ARHGEF6: variants seen among roughly 807,000 people sequenced by gnomAD.
The protein encoded by ARHGEF6 is rho guanine nucleotide exchange factor 6.
ARHGEF6 carries 9 observed loss-of-function variants against 70.3 expected under a neutral mutation model. The ratio of observed to expected loss-of-function variants is 0.13; its 90% CI spans 0.08 to 0.22. ARHGEF6 has a LOEUF of 0.22. Ranked by LOEUF, ARHGEF6 falls within the 10% of genes least tolerant of loss-of-function variation. ARHGEF6 has a pLI of 1.00. For synonymous variants in ARHGEF6, 201 were observed against 207.8 expected, an observed-to-expected ratio of 0.97 and a Z score of 0.28; for missense variants, 470 against 563.0, an observed-to-expected ratio of 0.83 and a Z score of 1.67.
intron 5 of ARHGEF6, among the ~76,000 whole-genome samples, chrX:136,734,114 T>C (rs940202279): frequency 1.8e-5 from 2 of 112,037 alleles, no homozygotes; most frequent in African/African-American, 6.5e-5. Flanking sequence ...CGACAGTGAG[T>C]TATCCAGTGG....
intron 2 of ARHGEF6, among the ~76,000 whole-genome samples, chrX:136,772,267 A>T (rs2077368669): frequency 8.9e-6 from 1 of 112,283 alleles, no homozygotes; most frequent in Admixed American, 9.4e-5. Context: ...GCTGAGAAGT[A>T]TATTGGGGAA....
chrX:136,741,598 T>C (rs188429413), intron 5 of ARHGEF6, among the ~76,000 whole-genome samples: 4 of 109,020 alleles, frequency 3.7e-5, no homozygotes, highest in Admixed American at 9.9e-5. Flanking sequence ...AGGGCAGTGA[T>C]GAAAATAAAG....
chrX:136,671,923 T>C (rs2076228867), intron 20 of ARHGEF6, 97 bp downstream of exon 20: 3 of 695,502 alleles, frequency 4.3e-6, no homozygotes, highest in Non-Finnish European at 7.0e-6. Flanking sequence ...AAGGAGGAGT[T>C]GTCCCTCATC....
intron 8 of ARHGEF6, 98 bp downstream of exon 8, chrX:136,708,577 A>G: frequency 2.9e-6 from 2 of 696,975 alleles, no homozygotes; most frequent in Non-Finnish European, 4.5e-6. Context: ...ACAAATACTT[A>G]ACTATGAAGT....
intron 6 of ARHGEF6, among the ~76,000 whole-genome samples, chrX:136,718,160 A>G (rs1000488173): frequency 8.1e-5 from 9 of 111,703 alleles, no homozygotes; most frequent in African/African-American, 2.9e-4. Context: ...TTAAAAGTAA[A>G]GGGATGAAAA....
At chrX:136,714,314 G>A (rs1419170731) in intron 6 of ARHGEF6, among the ~76,000 whole-genome samples, 1 of 111,329 alleles carries the variant, frequency 9.0e-6, no homozygotes, top group Non-Finnish European at 1.9e-5. Flanking sequence ...GGGTTGATGG[G>A]TGCAGTGGGC....
chrX:136,780,399 T>C (rs1219808274), intron 1 of ARHGEF6, among the ~76,000 whole-genome samples: 5 of 111,364 alleles, frequency 4.5e-5, no homozygotes, highest in Non-Finnish European at 7.5e-5. Flanking sequence ...GTTCAAAACA[T>C]GTCCTCGGTA....
At chrX:136,675,359 C>T (rs764091491) in intron 18 of ARHGEF6, among the ~76,000 whole-genome samples, 1 of 108,561 alleles carries the variant, frequency 9.2e-6, no homozygotes, top group Non-Finnish European at 1.9e-5. Context: ...GTGGGGGGGG[C>T]GGTGTTTTGT....
intron 6 of ARHGEF6, among the ~76,000 whole-genome samples, chrX:136,729,467 C>CAAAAA (rs749398050): frequency 0.046 from 545 of 11,803 alleles, no homozygotes; most frequent in Middle Eastern, 0.077. Flanking sequence ...GACTCCATCT[C>CAAAAA]AAAAAAAAAA....
intron 20 of ARHGEF6, 65 bp from the exon 21 acceptor site, chrX:136,669,601 C>G: frequency 1.1e-6 from 1 of 884,794 alleles, no homozygotes; most frequent in Non-Finnish European, 1.7e-6. Context: ...AAATACTTAA[C>G]AATAAAAGCC....
At chrX:136,768,843 G>A (rs1359823380) in intron 2 of ARHGEF6, among the ~76,000 whole-genome samples, 3 of 110,732 alleles carry the variant, frequency 2.7e-5, no homozygotes, top group Non-Finnish European at 5.7e-5. Flanking sequence ...TCACTTTGGG[G>A]AGGGCACCCC....
chrX:136,748,591 C>T lies in ARHGEF6; in HGVS notation c.250-999G>A, dbSNP rs772563718. ...ATGCATATCTGAAGGTAACCAGATG[C>T]CCACCTTCTGGATGGAAATGCCCCT... On this transcript the variant is annotated intron_variant, in intron 2 of 21. Coordinates refer to ENST00000250617, the MANE Select transcript of ARHGEF6 (RefSeq NM_004840.3). 3.6e-5 allele frequency among the ~76,000 whole-genome samples: 4 copies of T among 112,188 alleles called. No homozygotes were observed. The South Asian group carries it at 1.5e-3, about 42-fold the overall frequency.
intron 12 of ARHGEF6, 108 bp downstream of exon 12, chrX:136,685,569 T>A: frequency 2.1e-6 from 2 of 940,294 alleles, no homozygotes; most frequent in Non-Finnish European, 1.5e-6. Context: ...ATGGCACCAC[T>A]GCACTCCAGC....
At chrX:136,669,136 G>A (rs753105984) in intron 21 of ARHGEF6, among the ~76,000 whole-genome samples, 2 of 111,729 alleles carry the variant, frequency 1.8e-5, no homozygotes, top group East Asian at 2.8e-4. Context: ...AGGCCACATC[G>A]GCAGAAAAGC....
chrX:136,685,604 C>CAA lies in ARHGEF6; in HGVS notation c.1392+71_1392+72dup, dbSNP rs377510796. The CAA allele has an allele frequency of 3.5e-3, 3,274 of 925,802 alleles. 7 individuals carry two copies. Among genetic ancestry groups the CAA allele is most frequent in the African/African-American group, 0.026 (879 of 33,990 alleles). 76.3% of individuals were successfully genotyped at this position (925,802 alleles called of 1,213,427 possible). A position where few individuals can be genotyped will look rare whatever the true frequency, so the allele number is the denominator to read the frequency against. On this transcript the variant is annotated intron_variant, in intron 12 of 21. Transcript: ENST00000250617. The stretch of plus-strand genomic sequence containing the variant: ...CCTGAGTGACAGAACAAGACTCCGT[C>CAA]AAAAAAAAAAAAAAAAAAGGAAGAA...
Position 136,735,633 on chromosome X carries a change from C to T in ARHGEF6, c.662-3461G>A, listed in dbSNP as rs1271761300. Reference sequence around the variant, plus strand: ...AATGGATTGTTCGTATAATATAACTCAAACAAGAGTGTCACACAAATACAG... The same window carrying T: ...AATGGATTGTTCGTATAATATAACTTAAACAAGAGTGTCACACAAATACAG... On this transcript the variant is annotated intron_variant, in intron 5 of 21. Coordinates refer to ENST00000250617, the MANE Select transcript of ARHGEF6 (RefSeq NM_004840.3). Among the ~76,000 whole-genome samples the T allele has an allele frequency of 2.7e-5, 3 of 111,851 alleles. No homozygotes were observed. In the Admixed American group the frequency reaches 2.8e-4, roughly 11 times the overall value.
chrX:136,708,626 A>G, intron 8 of ARHGEF6, 49 bp downstream of exon 8: 2 of 1,077,965 alleles, frequency 1.9e-6, no homozygotes, highest in Non-Finnish European at 2.6e-6. Context: ...AAAACAAAAC[A>G]CAAACAGCAA....
At chrX:136,769,296 CA>C (rs1569425078) in intron 2 of ARHGEF6, among the ~76,000 whole-genome samples, 1 of 110,672 alleles carries the variant, frequency 9.0e-6, no homozygotes, top group Non-Finnish European at 1.9e-5. Flanking sequence ...CCTGTAATCC[CA>C]GCTACTTGGG....
At chrX:136,691,429 G>T (rs2076457030) in intron 9 of ARHGEF6, among the ~76,000 whole-genome samples, 1 of 111,953 alleles carries the variant, frequency 8.9e-6, no homozygotes, top group African/African-American at 3.3e-5. Flanking sequence ...CTAATTCTAA[G>T]CCAGTGCTTT....
Sources: gnomAD v4.1 joint callset for allele counts (sites outside exome capture counted in the v4.1 genomes callset) on GRCh38, gnomAD v4.1.1 for gene constraint, MANE v1.5 for transcripts, NCBI Gene and HGNC (gene_info 2026-07-23, HGNC 2026-07-21) for gene names.